The following ANKRD17 variants were observed in gnomAD, a reference collection of about 807,000 sequenced individuals.
The protein encoded by ANKRD17 is ankyrin repeat domain-containing protein 17.
A neutral mutation model predicts 229.7 loss-of-function variants in ANKRD17; 19 were observed. That is an observed-to-expected ratio of 0.08 (90% CI 0.06 to 0.12). The LOEUF (loss-of-function observed/expected upper bound fraction) is 0.12. Ranked by LOEUF, ANKRD17 falls within the 10% of genes least tolerant of loss-of-function variation. The pLI, the probability that ANKRD17 is intolerant of heterozygous loss-of-function variation, is 1.00. For missense variants in ANKRD17, 2,176 were observed against 3,176.8 expected (o/e 0.68, Z 7.57); for synonymous variants, 1,112 against 1,146.1 (o/e 0.97, Z 0.60).
chr4:73,148,772 T>G, intron 8 of ANKRD17, 41 bp downstream of exon 8: 1 of 1,550,720 alleles, frequency 6.4e-7, no homozygotes. Flanking sequence ...ACTCTTAGGT[T>G]TTACACATTT....
chr4:73,115,340 G>C (rs1725813554), intron 23 of ANKRD17, among the ~76,000 whole-genome samples: 1 of 152,008 alleles, frequency 6.6e-6, no homozygotes, highest in Admixed American at 6.6e-5. Flanking sequence ...GCCCAGGCTG[G>C]AGTACAATGG....
intron 16 of ANKRD17, among the ~76,000 whole-genome samples, chr4:73,134,200 G>A (rs1460119525): frequency 6.6e-6 from 1 of 152,048 alleles, no homozygotes; most frequent in African/African-American, 2.4e-5. Flanking sequence ...AAGAGTACAT[G>A]CCCTTAATGG....
At chr4:73,079,081 T>C (rs1046575882) in intron 30 of ANKRD17, among the ~76,000 whole-genome samples, 191 bp from the exon 31 acceptor site, 2 of 152,206 alleles carry the variant, frequency 1.3e-5, no homozygotes, top group Non-Finnish European at 1.5e-5. Context: ...GAATATGATG[T>C]CAATGCTGCA....
intron 22 of ANKRD17, among the ~76,000 whole-genome samples, chr4:73,117,184 A>T (rs896088576): frequency 4.6e-5 from 7 of 152,218 alleles, no homozygotes; most frequent in Non-Finnish European, 1.0e-4. Context: ...AGAGACTTCA[A>T]CTATAACTAA....
At position 73,091,453 on chromosome 4, in the gene ANKRD17, T is replaced by G. The variant is rs759041010; in HGVS notation, c.6175A>C (p.Ser2059Arg). 6.2e-7 allele frequency: 1 copy of G among 1,614,214 alleles called. No individual in the cohort carries two copies. Among genetic ancestry groups the G allele is most frequent in the Non-Finnish European group, 8.5e-7 (1 of 1,180,032 alleles). Residue 2059 changes from serine to arginine, a missense_variant, in exon 29 of 34, where the codon AGC (serine) becomes CGC (arginine). Coordinates refer to ENST00000358602, the MANE Select transcript of ANKRD17 (RefSeq NM_032217.5). ...PAQPGGVSRN[S>R]PLDCGSASPN... is the part of the protein sequence containing the mutation. Reference sequence around the variant, plus strand: ...GATGCTGATCCACAATCCAAAGGGCTGTTTCTAGAAACCCCTCCTGGCTGG... The same window carrying G: ...GATGCTGATCCACAATCCAAAGGGCGGTTTCTAGAAACCCCTCCTGGCTGG...
At chr4:73,076,564 A>C (rs926057574) in intron 33 of ANKRD17, among the ~76,000 whole-genome samples, 8 of 152,216 alleles carry the variant, frequency 5.3e-5, no homozygotes, top group African/African-American at 1.9e-4. Flanking sequence ...AACATACACT[A>C]AACTAAAATA....
chr4:73,242,687 A>G (rs767733188), intron 1 of ANKRD17, among the ~76,000 whole-genome samples: 1 of 152,158 alleles, frequency 6.6e-6, no homozygotes, highest in Non-Finnish European at 1.5e-5. Flanking sequence ...AAGATACCAA[A>G]CCATGCTAAC....
At chr4:73,127,126 A>G (rs1481086360) in intron 16 of ANKRD17, among the ~76,000 whole-genome samples, 4 of 152,184 alleles carry the variant, frequency 2.6e-5, no homozygotes, top group South Asian at 2.1e-4. Context: ...AGTATTTCCA[A>G]TGAAATCCAA....
chr4:73,163,141 A>C (rs1159457186), intron 2 of ANKRD17, among the ~76,000 whole-genome samples: 1 of 151,720 alleles, frequency 6.6e-6, no homozygotes, highest in Non-Finnish European at 1.5e-5. Context: ...CTAGGTTTAC[A>C]CGTGTGATCC....
chr4:73,117,621 G>A (rs920839680), intron 22 of ANKRD17, among the ~76,000 whole-genome samples: 1 of 152,190 alleles, frequency 6.6e-6, no homozygotes, highest in African/African-American at 2.4e-5. Flanking sequence ...ATAAAGAACA[G>A]CGGTCAGAGA....
intron 1 of ANKRD17, among the ~76,000 whole-genome samples, chr4:73,240,772 C>T (rs1243479848): frequency 1.3e-5 from 2 of 151,380 alleles, no homozygotes; most frequent in African/African-American, 4.9e-5. Context: ...TTTTAGTATT[C>T]AGGCCTTCAG....
At chr4:73,253,790 C>G (rs1230703174) in intron 1 of ANKRD17, among the ~76,000 whole-genome samples, 1 of 152,162 alleles carries the variant, frequency 6.6e-6, no homozygotes, top group African/African-American at 2.4e-5. Context: ...TAGAGAAGAT[C>G]ATCATCACTA....
chr4:73,148,035 C>T (rs1025443595), intron 8 of ANKRD17, among the ~76,000 whole-genome samples: 5 of 152,074 alleles, frequency 3.3e-5, no homozygotes, highest in African/African-American at 4.8e-5. Context: ...CAACCCTACA[C>T]GAGAAAACTG....
rs1291622718 is a variant in ANKRD17, at chr4:73,109,317, TTATC to T, written c.4401+4471_4401+4474del. On this transcript the variant is annotated intron_variant, in intron 24 of 33. Transcript: ENST00000358602. ...GCTGTCTCAAAAAAAAAAAAAAACT[TTATC>T]TAGTCACTGGTAGGAAGTATATGGG... 2.6e-5 allele frequency among the ~76,000 whole-genome samples: 4 copies of T among 151,612 alleles called. No homozygotes were observed. In the East Asian group the frequency reaches 5.8e-4, roughly 22 times the overall value.
intron 1 of ANKRD17, among the ~76,000 whole-genome samples, chr4:73,241,180 A>G (rs1348822645): frequency 2.6e-5 from 4 of 152,198 alleles, no homozygotes; most frequent in Admixed American, 1.3e-4. Context: ...GTGGAAATAC[A>G]TAAAATAAAG....
intron 1 of ANKRD17, among the ~76,000 whole-genome samples, chr4:73,203,554 G>A (rs1337388843): frequency 6.6e-6 from 1 of 151,834 alleles, no homozygotes; most frequent in African/African-American, 2.4e-5. Flanking sequence ...TCAGGAGATC[G>A]AGACCATCCT....
At chr4:73,198,141 T>C (rs1738148474) in intron 1 of ANKRD17, among the ~76,000 whole-genome samples, 1 of 152,172 alleles carries the variant, frequency 6.6e-6, no homozygotes, top group Non-Finnish European at 1.5e-5. Flanking sequence ...AATTAAAACA[T>C]GTGGCTACTC....
chr4:73,170,180 T>C (rs920194435), intron 2 of ANKRD17, among the ~76,000 whole-genome samples: 1 of 151,912 alleles, frequency 6.6e-6, no homozygotes, highest in African/African-American at 2.4e-5. Flanking sequence ...CCCTTCCTTC[T>C]GCTTGAGAGA....
intron 1 of ANKRD17, among the ~76,000 whole-genome samples, chr4:73,226,261 C>CA (rs1467340876): frequency 6.6e-6 from 1 of 152,044 alleles, no homozygotes; most frequent in Non-Finnish European, 1.5e-5. Flanking sequence ...AGGCGTGAGC[C>CA]ACCGCGCCCG....
Sources: allele counts gnomAD v4.1 joint callset (sites outside exome capture counted in the v4.1 genomes callset), GRCh38; gene constraint gnomAD v4.1.1; transcripts MANE v1.5; gene names NCBI Gene and HGNC (gene_info 2026-07-23, HGNC 2026-07-21).